TXNRD3: variants seen among roughly 807,000 people sequenced by gnomAD.
The protein encoded by TXNRD3 is thioredoxin reductase 3.
TXNRD3 carries 68 observed loss-of-function variants against 78.2 expected under a neutral mutation model. That is an observed-to-expected ratio of 0.87 (90% CI 0.72 to 1.06). TXNRD3 has a LOEUF of 1.06. TXNRD3 is among the 50% of genes least tolerant of loss of function. The pLI is 0.00. For missense variants in TXNRD3, 751 were observed against 809.5 expected, an observed-to-expected ratio of 0.93 and a Z score of 0.88; for synonymous variants, 296 against 300.1, an observed-to-expected ratio of 0.99 and a Z score of 0.14.
intron 12 of TXNRD3, among the ~76,000 whole-genome samples, chr3:126,615,927 G>A (rs925367591): frequency 2.0e-5 from 3 of 152,198 alleles, no homozygotes; most frequent in Non-Finnish European, 4.4e-5. Context: ...AGGCAAATAT[G>A]CAGCTCAACG....
At chr3:126,644,689 G>C (rs1395311871) in intron 3 of TXNRD3, among the ~76,000 whole-genome samples, 1 of 152,176 alleles carries the variant, frequency 6.6e-6, no homozygotes, top group Non-Finnish European at 1.5e-5. Context: ...TGTAAGATGA[G>C]GTCATTTTCC....
At chr3:126,623,850 G>T (rs1471701416) in intron 10 of TXNRD3, among the ~76,000 whole-genome samples, 1 of 19,298 alleles carries the variant, frequency 5.2e-5, no homozygotes, top group African/African-American at 1.1e-4. Context: ...GTGAAACAAG[G>T]CCAAAAAAAA....
Position 126,633,963 on chromosome 3 carries a change from CT to C in TXNRD3, c.800del (p.Lys267ArgfsTer18). On this transcript the variant is annotated frameshift_variant, in exon 7 of 16. Coordinates refer to ENST00000524230, the MANE Select transcript of TXNRD3 (RefSeq NM_052883.3). LOFTEE classifies it high-confidence loss of function. ...CATAGGAATTGACATAGGCCACAGCCTTTTCCCTCAGAGACAACCTGTAGCC... is the reference window on the plus strand; with the variant it reads ...CATAGGAATTGACATAGGCCACAGCCTTTCCCTCAGAGACAACCTGTAGCC... The C allele has an allele frequency of 4.6e-6, 7 of 1,521,290 alleles. No homozygotes were observed. The highest frequency in any genetic ancestry group is 4.4e-6 in the Non-Finnish European group (5 of 1,138,250). The allele number at this position is 1,521,290 out of a possible 1,614,324, so 94.2% of individuals were successfully genotyped here. A position where few individuals can be genotyped will look rare whatever the true frequency, so the allele number is the denominator to read the frequency against.
chr3:126,643,733 A>T lies in TXNRD3; in HGVS notation c.592+248T>A, dbSNP rs763528909. 1.4e-4 allele frequency among the ~76,000 whole-genome samples: 21 copies of T among 151,828 alleles called. 1 individual carries two copies. The highest frequency in any genetic ancestry group is 6.2e-4 in the South Asian group (3 of 4,814). On this transcript the variant is annotated intron_variant, in intron 5 of 15. Transcript: ENST00000524230. Reference sequence around the variant, plus strand: ...GTTTCTTTTTTTTAATTTTTTTAAAATTTTTTTATTTTTTTGAATAGAGAC... The same window carrying T: ...GTTTCTTTTTTTTAATTTTTTTAAATTTTTTTTATTTTTTTGAATAGAGAC...
chr3:126,635,941 A>G (rs1322785498), intron 6 of TXNRD3, among the ~76,000 whole-genome samples: 3 of 152,028 alleles, frequency 2.0e-5, no homozygotes, highest in Non-Finnish European at 4.4e-5. Context: ...ACACACAAAC[A>G]TATTTTAAGA....
At position 126,647,266 on chromosome 3, in the gene TXNRD3, C is replaced by A; in HGVS notation, c.274G>T (p.Glu92Ter). Residue 92 changes from glutamate (E) to a stop codon, truncating the protein, a stop_gained, in exon 2 of 16, where the codon GAA becomes TAA. Transcript: ENST00000524230. LOFTEE classifies it high-confidence loss of function. ...TGATCAAGTTCCAAGACATTACATT[C>A]GACTCCCAAAGAAGAAAAGAGTTCT... 2.6e-6 allele frequency: 4 copies of A among 1,535,488 alleles called. No individual in the cohort carries two copies. Among genetic ancestry groups the A allele is most frequent in the Non-Finnish European group, 3.5e-6 (4 of 1,146,742 alleles).
At chr3:126,627,399 T>G (rs1938604170) in intron 10 of TXNRD3, among the ~76,000 whole-genome samples, 1 of 151,838 alleles carries the variant, frequency 6.6e-6, no homozygotes. Context: ...TGCTTGGGGG[T>G]CGATGACTGG....
At chr3:126,628,821 A>ATGTTT (rs1491214262) in intron 10 of TXNRD3, among the ~76,000 whole-genome samples, 2 of 152,044 alleles carry the variant, frequency 1.3e-5, no homozygotes, top group Non-Finnish European at 2.9e-5. Context: ...GTTTTGTTAC[A>ATGTTT]TGTTTTTTTG....
intron 10 of TXNRD3, among the ~76,000 whole-genome samples, chr3:126,622,949 AAGG>A (rs1462725904): frequency 6.6e-6 from 1 of 152,188 alleles, no homozygotes; most frequent in African/African-American, 2.4e-5. Flanking sequence ...GTGAGGACAC[AAGG>A]AGAAGACAGT....
At chr3:126,647,158 T>A in intron 2 of TXNRD3, 78 bp downstream of exon 2, 1 of 1,156,926 alleles carries the variant, frequency 8.6e-7, no homozygotes, top group Non-Finnish European at 1.2e-6. Context: ...TAATCTGAAT[T>A]GAACAAAGTA....
intron 10 of TXNRD3, chr3:126,626,086 A>C (rs1398244573): frequency 6.6e-6 from 1 of 152,186 alleles, no homozygotes; most frequent in Non-Finnish European, 1.5e-5. Flanking sequence ...ACCAAAAGCA[A>C]CTTAAATCTA....
At chr3:126,629,526 C>A in intron 9 of TXNRD3, 55 bp from the exon 10 acceptor site, 1 of 1,350,380 alleles carries the variant, frequency 7.4e-7, no homozygotes, top group South Asian at 1.3e-5. Context: ...AAAAGAAATA[C>A]ACGAAAGGGT....
At chr3:126,633,079 T>C (rs1938761291) in intron 7 of TXNRD3, among the ~76,000 whole-genome samples, 1 of 152,222 alleles carries the variant, frequency 6.6e-6, no homozygotes, top group South Asian at 2.1e-4. Flanking sequence ...TTATATTTTT[T>C]TAGGGGTGAA....
chr3:126,653,956 A>C (rs749125624), intron 1 of TXNRD3, among the ~76,000 whole-genome samples: 1 of 152,106 alleles, frequency 6.6e-6, no homozygotes, highest in East Asian at 1.9e-4. Context: ...GGTTCTATTT[A>C]TATCAAGTCC....
At chr3:126,638,561 C>T (rs1489478771) in intron 6 of TXNRD3, among the ~76,000 whole-genome samples, 2 of 151,998 alleles carry the variant, frequency 1.3e-5, no homozygotes, top group Non-Finnish European at 1.5e-5. Flanking sequence ...TGGTGAAACC[C>T]CGTCTCCACT....
rs1938723557 is a variant in TXNRD3 at position 126,631,874 on chromosome 3, G to T, written c.861C>A (p.Thr287=). Residue 287 remains threonine (T), a synonymous_variant, in exon 8 of 16, where the codon ACC becomes ACA. Coordinates refer to ENST00000524230, the MANE Select transcript of TXNRD3 (RefSeq NM_052883.3). ...AATAAGTCTCCTGTCCTTTTTTATT[G>T]GTTGCCTTGAAAAAAGAGAAGTAAA... 3.9e-6 allele frequency: 6 copies of T among 1,534,902 alleles called. No homozygotes were observed. In the East Asian group the frequency reaches 1.2e-4, roughly 31 times the overall value.
intron 10 of TXNRD3, among the ~76,000 whole-genome samples, chr3:126,626,962 C>A (rs1938593408): frequency 6.6e-6 from 1 of 151,606 alleles, no homozygotes; most frequent in South Asian, 2.1e-4. Flanking sequence ...GTGGCATGTG[C>A]CTGTGGTCCT....
intron 10 of TXNRD3, among the ~76,000 whole-genome samples, chr3:126,624,388 A>G (rs1422628702): frequency 6.6e-6 from 1 of 152,124 alleles, no homozygotes; most frequent in East Asian, 1.9e-4. Flanking sequence ...GTCTATGAGA[A>G]GAGCACAGAA....
intron 3 of TXNRD3, 80 bp from the exon 4 acceptor site, chr3:126,644,481 G>T (rs1933183243): frequency 2.2e-6 from 2 of 903,328 alleles, no homozygotes; most frequent in Non-Finnish European, 3.3e-6. Flanking sequence ...TGTTCAACTG[G>T]TATGGATTTC....
Sources: gnomAD v4.1 joint callset for allele counts (sites outside exome capture counted in the v4.1 genomes callset) on GRCh38, gnomAD v4.1.1 for gene constraint, MANE v1.5 for transcripts, NCBI Gene and HGNC (gene_info 2026-07-23, HGNC 2026-07-21) for gene names.